Variants in SYNE1 observed in about 807,000 individuals in gnomAD.
SYNE1 encodes spectrin repeat containing nuclear envelope protein 1, also known as nesprin-1.
In SYNE1, 616 loss-of-function variants were observed where a neutral mutation model predicts 1,111.0. The ratio of observed to expected loss-of-function variants is 0.55; its 90% CI spans 0.52 to 0.59. The LOEUF (loss-of-function observed/expected upper bound fraction) is 0.59, where lower values mean the gene tolerates loss of function less well. SYNE1 is among the 20% of genes least tolerant of loss of function. The pLI is 0.00. For missense variants in SYNE1, 10,006 were observed against 10,417.0 expected (o/e 0.96, Z 1.72); for synonymous variants, 3,855 against 3,825.8 (o/e 1.01, Z -0.28).
intron 3 of SYNE1, among the ~76,000 whole-genome samples, chr6:152,599,214 C>T (rs2099590270): frequency 6.6e-6 from 1 of 152,206 alleles, no homozygotes; most frequent in Non-Finnish European, 1.5e-5. Context: ...GGACAAGCCA[C>T]TGGCTAATAA....
intron 95 of SYNE1, among the ~76,000 whole-genome samples, chr6:152,291,157 A>G (rs1245800226): frequency 1.7e-5 from 2 of 119,980 alleles, no homozygotes; most frequent in African/African-American, 3.2e-5. Context: ...CAATTATATT[A>G]ATATGATATA....
At chr6:152,278,390 T>G (rs937770477) in intron 97 of SYNE1, 110 bp from the exon 98 acceptor site, 9 of 1,300,002 alleles carry the variant, frequency 6.9e-6, no homozygotes, top group African/African-American at 2.9e-5. Context: ...ACGGACAGGC[T>G]TTCATGATTT....
intron 3 of SYNE1, among the ~76,000 whole-genome samples, chr6:152,594,698 G>C (rs2099575953): frequency 6.6e-6 from 1 of 152,116 alleles, no homozygotes; most frequent in Non-Finnish European, 1.5e-5. Flanking sequence ...GCTACCATCA[G>C]TTTCCCAACT....
At chr6:152,512,707 G>T (rs2099091142) in intron 6 of SYNE1, among the ~76,000 whole-genome samples, 1 of 152,118 alleles carries the variant, frequency 6.6e-6, no homozygotes, top group Admixed American at 6.5e-5. Context: ...TGCCTAACTT[G>T]TGAAGAAAAA....
chr6:152,400,009 G>A (rs1464352306), intron 47 of SYNE1, among the ~76,000 whole-genome samples, 186 bp from the exon 48 acceptor site: 1 of 152,038 alleles, frequency 6.6e-6, no homozygotes. Context: ...ATTTTGCCCA[G>A]TTCTCCTTGG....
intron 14 of SYNE1, among the ~76,000 whole-genome samples, chr6:152,482,429 C>T (rs553806269): frequency 2.6e-4 from 39 of 152,154 alleles, no homozygotes; most frequent in African/African-American, 8.7e-4. Context: ...TGCAGGAATA[C>T]CCCACCACAT....
chr6:152,304,821 A>G (rs1252789733), intron 91 of SYNE1, among the ~76,000 whole-genome samples: 4 of 152,192 alleles, frequency 2.6e-5, no homozygotes, highest in Non-Finnish European at 5.9e-5. Context: ...TAAAAAATGC[A>G]ACTCTGGTCA....
At chr6:152,627,509 T>A (rs1219682524) in intron 3 of SYNE1, among the ~76,000 whole-genome samples, 9 of 110,966 alleles carry the variant, frequency 8.1e-5, no homozygotes, top group Non-Finnish European at 1.8e-4. Flanking sequence ...AAAAAAAAAA[T>A]TAGCCGGGCA....
intron 58 of SYNE1, among the ~76,000 whole-genome samples, chr6:152,373,597 A>C (rs770350679): frequency 2.6e-5 from 4 of 152,186 alleles, no homozygotes; most frequent in African/African-American, 4.8e-5. Context: ...TTTCTTAATA[A>C]AGTCAAAGAA....
In SYNE1 at chr6:152,148,264, G is replaced by C. The variant is rs952705892; in HGVS notation, c.24757C>G (p.Pro8253Ala). Residue 8253 changes from proline (P) to alanine (A), a missense_variant, in exon 137 of 146, where the codon CCT becomes GCT. By Grantham distance (27) the Pro-to-Ala change is conservative. Around this residue, in one of 7 missense-constraint regions of SYNE1, gnomAD observed 761 missense variants for 795.5 expected, o/e 0.96. Coordinates refer to ENST00000367255, the MANE Select transcript of SYNE1 (RefSeq NM_182961.4). This position sits in a 1 kb window ranked among gnomAD's most constrained non-coding sequence, Gnocchi z 4.1. ...RSADSLLSPQ[P>A]SSNLSLSLAQ... ...AGCGAGAGGGAGAGATTGGAGGAAGGCTGTGGAGAAAGCAGGCTGTCTGCA... is the reference window on the plus strand; with the variant it reads ...AGCGAGAGGGAGAGATTGGAGGAAGCCTGTGGAGAAAGCAGGCTGTCTGCA... The C allele has an allele frequency of 3.7e-6, 6 of 1,613,682 alleles. No individual in the cohort carries two copies. The highest frequency in any genetic ancestry group is 1.3e-5 in the African/African-American group (1 of 75,038).
rs1250103093 is a variant in SYNE1 at position 152,471,668 on chromosome 6, ACT to A, written c.1559_1560del (p.Glu520ValfsTer9). 5 of 1,613,888 alleles carry A rather than the reference ACT, an allele frequency of 3.1e-6. No individual in the cohort carries two copies. Among genetic ancestry groups the A allele is most frequent in the Non-Finnish European group, 4.2e-6 (5 of 1,179,902 alleles). ...YRLLSLLVLA[E>X]SKLKSWIIKY... ...TTAATGATCCAAGACTTCAGCTTTG[ACT>A]CTGCAAGAACCAGCAGTGAGAGCAG... On this transcript the variant is annotated frameshift_variant, in exon 16 of 146. Coordinates refer to ENST00000367255, the MANE Select transcript of SYNE1 (RefSeq NM_182961.4). LOFTEE classifies it high-confidence loss of function.
rs1212823311 is a variant in SYNE1 at position 152,362,246 on chromosome 6, A to T, written c.10223T>A (p.Met3408Lys). The part of the protein sequence containing the change: ...VRQFSGWMDS[M>K]EANLNESERQ... Reference sequence around the variant, plus strand: ...TTCTGATTCATTCAGGTTGGCTTCCATACTATCCATCCAACCGGAGAACTG... The same window carrying T: ...TTCTGATTCATTCAGGTTGGCTTCCTTACTATCCATCCAACCGGAGAACTG... The change falls in exon 64 of 146, where the codon ATG (methionine) becomes AAG (lysine). Residue 3408 changes from methionine (M) to lysine (K), a missense_variant. By Grantham distance (95) the Met-to-Lys change is moderately conservative. Transcript: ENST00000367255. 3 of 1,614,108 alleles carry T rather than the reference A, an allele frequency of 1.9e-6. No individual in the cohort carries two copies. The East Asian group carries it at 6.7e-5, about 36-fold the overall frequency.
intron 51 of SYNE1, 74 bp from the exon 52 acceptor site, chr6:152,391,642 G>A: frequency 6.8e-7 from 1 of 1,479,072 alleles, no homozygotes; most frequent in Non-Finnish European, 8.9e-7. Context: ...AGTGACAAAT[G>A]ATTGTTGATA....
chr6:152,169,188 G>A lies in SYNE1; in HGVS notation c.23628-4863C>T, dbSNP rs982553731. ...TCCAAAAAGGACTACATGATGATTT[G>A]TAACTAAAATAAAACAAAGCATCTG... On this transcript the variant is annotated intron_variant, in intron 130 of 145. Coordinates refer to ENST00000367255, the MANE Select transcript of SYNE1 (RefSeq NM_182961.4). Among the ~76,000 whole-genome samples the A allele has an allele frequency of 3.3e-5, 5 of 152,150 alleles. No homozygotes were observed. The South Asian group carries it at 1.0e-3, about 32-fold the overall frequency.
chr6:152,352,081 A>G lies in SYNE1; in HGVS notation c.11526T>C (p.Pro3842=), dbSNP rs767967824. The G allele has an allele frequency of 3.8e-5, 61 of 1,614,086 alleles. No homozygotes were observed. Among genetic ancestry groups the G allele is most frequent in the Non-Finnish European group, 4.8e-5 (57 of 1,180,050 alleles). Residue 3842 remains proline, a synonymous_variant, in exon 70 of 146, where the codon CCT becomes CCC. Transcript: ENST00000367255. ...IAEYQEILHV[P]EEPKMELYEK... ...CATATAATTCCATTTTGGGTTCTTCAGGAACATGTAGAATTTCCTGGTATT... is the reference window on the plus strand; with the variant it reads ...CATATAATTCCATTTTGGGTTCTTCGGGAACATGTAGAATTTCCTGGTATT...
At chr6:152,500,154 G>A (rs563106578) in intron 10 of SYNE1, among the ~76,000 whole-genome samples, 14 of 152,226 alleles carry the variant, frequency 9.2e-5, no homozygotes, top group South Asian at 8.3e-4. Context: ...AGGACTTCAC[G>A]TATAAAAACC....
At chr6:152,301,455 T>C (rs2095163600) in intron 92 of SYNE1, among the ~76,000 whole-genome samples, 1 of 152,198 alleles carries the variant, frequency 6.6e-6, no homozygotes, top group South Asian at 2.1e-4. Context: ...ATTTATACAG[T>C]AGAGTACATG....
intron 46 of SYNE1, among the ~76,000 whole-genome samples, chr6:152,401,863 C>T (rs1406310201): frequency 6.6e-5 from 10 of 152,140 alleles, no homozygotes; most frequent in Admixed American, 6.5e-4. Context: ...TCTATGGCCC[C>T]CTAGTTAGTC....
At chr6:152,314,988 T>TA (rs1287882168) in intron 87 of SYNE1, among the ~76,000 whole-genome samples, 1 of 144,662 alleles carries the variant, frequency 6.9e-6, no homozygotes, top group Non-Finnish European at 1.5e-5. Flanking sequence ...CGAAATGCTG[T>TA]CTCAAAAAAG....
Sources: gnomAD v4.1 joint callset for allele counts (sites outside exome capture counted in the v4.1 genomes callset) on GRCh38, gnomAD v4.1.1 for gene constraint, gnomAD v4.1.1 regional missense constraint, Gnocchi (gnomAD v3.1) non-coding constraint, MANE v1.5 for transcripts, NCBI Gene and HGNC (gene_info 2026-07-23, HGNC 2026-07-21) for gene names.